The following USP10 variants were observed in gnomAD, a reference collection of about 807,000 sequenced individuals.
USP10 encodes the protein ubiquitin carboxyl-terminal hydrolase 10.
In USP10, 22 loss-of-function variants were observed where a neutral mutation model predicts 84.5. That is an observed-to-expected ratio of 0.26 (90% CI 0.19 to 0.37). USP10 has a LOEUF of 0.37. USP10 is among the 10% of genes least tolerant of loss of function. The pLI is 1.00. For missense variants in USP10, 1,019 were observed against 998.9 expected (o/e 1.02, Z -0.27); for synonymous variants, 454 against 387.6 (o/e 1.17, Z -2.01).
chr16:84,732,998 C>G (rs1468138115), intron 1 of USP10: 1 of 425,140 alleles, frequency 2.4e-6, no homozygotes, highest in South Asian at 1.7e-5. Flanking sequence ...TAACATTTTC[C>G]TTTTTTGGAT....
intron 4 of USP10, among the ~76,000 whole-genome samples, chr16:84,757,817 G>A (rs1046212485): frequency 6.6e-6 from 1 of 152,108 alleles, no homozygotes; most frequent in Non-Finnish European, 1.5e-5. Context: ...GTCTTTGGGA[G>A]CCTCATTTTC....
chr16:84,767,722 G>A (rs1268616354), intron 10 of USP10, among the ~76,000 whole-genome samples: 3 of 152,198 alleles, frequency 2.0e-5, no homozygotes, highest in African/African-American at 7.2e-5. Flanking sequence ...TTATCAACTG[G>A]TAGATTTAGT....
chr16:84,741,880 A>G (rs1910667565), intron 3 of USP10, among the ~76,000 whole-genome samples: 1 of 152,030 alleles, frequency 6.6e-6, no homozygotes, highest in Non-Finnish European at 1.5e-5. Flanking sequence ...GGCAGGATCC[A>G]TTTCTCTGTG....
intron 2 of USP10, among the ~76,000 whole-genome samples, chr16:84,738,458 C>T (rs756235215): frequency 7.2e-5 from 11 of 152,112 alleles, no homozygotes; most frequent in Admixed American, 2.0e-4. Flanking sequence ...GGGTTTTGAA[C>T]GAGATGGAGG....
intron 1 of USP10, among the ~76,000 whole-genome samples, chr16:84,723,146 G>GT (rs36122502): frequency 0.034 from 4,786 of 141,944 alleles, 76 homozygotes; most frequent in East Asian, 0.084. Flanking sequence ...CACATCCAGG[G>GT]TTTTTTTTTT....
chr16:84,733,594 C>G, intron 2 of USP10, 91 bp downstream of exon 2: 1 of 967,230 alleles, frequency 1.0e-6, no homozygotes, highest in East Asian at 2.8e-5. Context: ...ATAAAGAATT[C>G]CAATGTAGAG....
intron 1 of USP10, among the ~76,000 whole-genome samples, chr16:84,708,073 T>TAC (rs1555534446): frequency 2.0e-5 from 3 of 152,054 alleles, no homozygotes; most frequent in African/African-American, 7.2e-5. Context: ...GCGAGACTCT[T>TAC]ACGTCAAAAA....
At chr16:84,772,519 C>A in intron 11 of USP10, 22 bp from the exon 12 acceptor site, 1 of 1,613,094 alleles carries the variant, frequency 6.2e-7, no homozygotes, top group Non-Finnish European at 8.5e-7. Flanking sequence ...GACGGTGTGT[C>A]CTGGTGTGCT....
chr16:84,703,014 G>C (rs549258347), intron 1 of USP10, among the ~76,000 whole-genome samples: 4 of 70,674 alleles, frequency 5.7e-5, no homozygotes, highest in Non-Finnish European at 1.4e-4. Context: ...AAAAAAAAAA[G>C]AGCGAAACTC....
intron 8 of USP10, 56 bp downstream of exon 8, chr16:84,760,331 T>G: frequency 6.8e-7 from 1 of 1,471,146 alleles, no homozygotes; most frequent in Non-Finnish European, 9.3e-7. Flanking sequence ...TTCCAGTGTT[T>G]GTGTGGTAAC....
At chr16:84,757,473 A>G (rs1247484948) in intron 4 of USP10, among the ~76,000 whole-genome samples, 1 of 144,738 alleles carries the variant, frequency 6.9e-6, no homozygotes, top group Non-Finnish European at 1.5e-5. Context: ...TAATTTTTTC[A>G]TTTGATTAGT....
intron 10 of USP10, among the ~76,000 whole-genome samples, chr16:84,766,785 C>G (rs1307981599): frequency 6.6e-6 from 1 of 152,180 alleles, no homozygotes; most frequent in Non-Finnish European, 1.5e-5. Flanking sequence ...GTTGATGTTT[C>G]TTTTTGAAAA....
chr16:84,706,174 C>T (rs61118010), intron 1 of USP10, among the ~76,000 whole-genome samples: 97 of 152,250 alleles, frequency 6.4e-4, no homozygotes, highest in African/African-American at 2.1e-3. Flanking sequence ...TGAGCCACCG[C>T]GCCTAGCCTC....
chr16:84,724,856 T>G (rs1908252563), intron 1 of USP10, among the ~76,000 whole-genome samples: 1 of 152,176 alleles, frequency 6.6e-6, no homozygotes, highest in African/African-American at 2.4e-5. Flanking sequence ...GATAGTGTCA[T>G]CTCCAGATGT....
Position 84,745,219 on chromosome 16 carries a change from C to G in USP10, c.738C>G (p.Pro246=), listed in dbSNP as rs772464112. The change falls in exon 4 of 14, where the codon CCC becomes CCG. Residue 246 remains proline, a synonymous_variant. Transcript: ENST00000219473. ...TRTAGQPEGG[P]GADFGQSCFP... The stretch of plus-strand genomic sequence containing the variant: ...CTGCAGGGCAGCCAGAGGGGGGCCC[C>G]GGGGCTGATTTTGGTCAGTCCTGCT... The G allele has an allele frequency of 1.2e-6, 2 of 1,613,064 alleles. No individual in the cohort carries two copies. The highest frequency in any genetic ancestry group is 1.7e-6 in the Non-Finnish European group (2 of 1,179,504).
chr16:84,721,345 C>T (rs1907788317), intron 1 of USP10, among the ~76,000 whole-genome samples: 1 of 152,190 alleles, frequency 6.6e-6, no homozygotes, highest in African/African-American at 2.4e-5. Flanking sequence ...ATAGAGCGTA[C>T]TGAGGAATTA....
chr16:84,718,920 G>A (rs1907417020), intron 1 of USP10, among the ~76,000 whole-genome samples: 1 of 151,778 alleles, frequency 6.6e-6, no homozygotes, highest in Non-Finnish European at 1.5e-5. Flanking sequence ...AGCCTCCCGA[G>A]TAGCTGAGAT....
At chr16:84,743,933 T>C (rs1159020491) in intron 3 of USP10, among the ~76,000 whole-genome samples, 4 of 152,202 alleles carry the variant, frequency 2.6e-5, no homozygotes, top group African/African-American at 7.2e-5. Context: ...GACGTTTGCA[T>C]GTGTTCATGT....
intron 4 of USP10, among the ~76,000 whole-genome samples, chr16:84,747,127 G>C (rs547885757): frequency 6.6e-6 from 1 of 152,172 alleles, no homozygotes; most frequent in Non-Finnish European, 1.5e-5. Flanking sequence ...CGCCGCGCGT[G>C]ACTGTACGTA....
Sources: gnomAD v4.1 joint callset for allele counts (sites outside exome capture counted in the v4.1 genomes callset) on GRCh38, gnomAD v4.1.1 for gene constraint, MANE v1.5 for transcripts, NCBI Gene and HGNC (gene_info 2026-07-23, HGNC 2026-07-21) for gene names.